The following SMS variants were observed in gnomAD, a reference collection of about 807,000 sequenced individuals.
The protein encoded by SMS is spermine synthase.
Under a neutral mutation model 33.0 loss-of-function variants are expected in SMS, and 3 were observed. The ratio of observed to expected loss-of-function variants is 0.09; its 90% CI spans 0.04 to 0.23. SMS has a LOEUF of 0.23. Ranked by LOEUF, SMS falls within the 10% of genes least tolerant of loss-of-function variation. SMS has a pLI of 1.00. For synonymous variants in SMS, 103 were observed against 112.2 expected (o/e 0.92, Z 0.52); for missense variants, 117 against 288.6 (o/e 0.41, Z 4.31).
chrX:21,950,874 C>G (rs1429525309), intron 1 of SMS, among the ~76,000 whole-genome samples: 2 of 111,775 alleles, frequency 1.8e-5, no homozygotes, highest in Non-Finnish European at 3.8e-5. Context: ...GGTTCCAAGT[C>G]TTTGTTATTG....
At chrX:21,944,057 T>G (rs1922012038) in intron 1 of SMS, among the ~76,000 whole-genome samples, 1 of 111,525 alleles carries the variant, frequency 9.0e-6, no homozygotes, top group Non-Finnish European at 1.9e-5. Context: ...CTTGAACCAC[T>G]TAGTTATGAT....
chrX:21,964,460 C>CTTCTAGCATT (rs1923564462), intron 1 of SMS, among the ~76,000 whole-genome samples: 1 of 111,386 alleles, frequency 9.0e-6, no homozygotes, highest in South Asian at 3.8e-4. Context: ...TAGCCAGACC[C>CTTCTAGCATT]CTGCATTCTG....
chrX:21,955,488 C>T (rs1922913034), intron 1 of SMS, among the ~76,000 whole-genome samples: 1 of 112,148 alleles, frequency 8.9e-6, no homozygotes, highest in South Asian at 3.7e-4. Flanking sequence ...GGTCACTTTA[C>T]CTGGTCCAGA....
At chrX:21,990,929 C>T (rs1054720400) in intron 9 of SMS, among the ~76,000 whole-genome samples, 1 of 112,392 alleles carries the variant, frequency 8.9e-6, no homozygotes, top group Non-Finnish European at 1.9e-5. Context: ...ATGGCCATAT[C>T]CCACTGCAGG....
In SMS at chrX:21,989,380, G is replaced by A. The variant is rs376859627; in HGVS notation, c.946-3217G>A. ...TTAATCCCATAGTGAAGCCTCAAAG[G>A]GGTAAAGAAACCAATGACTAATAAA... On this transcript the variant is annotated intron_variant, in intron 9 of 10. Coordinates refer to ENST00000404933, the MANE Select transcript of SMS (RefSeq NM_004595.5). Among the ~76,000 whole-genome samples the A allele has an allele frequency of 2.6e-4, 29 of 111,784 alleles. 1 individual carries two copies. The highest frequency in any genetic ancestry group is 2.0e-3 in the Admixed American group (21 of 10,521).
At chrX:21,950,647 T>C (rs6629441) in intron 1 of SMS, among the ~76,000 whole-genome samples, 43,105 of 105,382 alleles carry the variant, frequency 0.41, 8,492 homozygotes, top group African/African-American at 0.72. Context: ...TTCCCTGTGT[T>C]CATGTGTTCT....
chrX:21,941,883 T>TC (rs1921814578), intron 1 of SMS, among the ~76,000 whole-genome samples: 1 of 22,603 alleles, frequency 4.4e-5, no homozygotes, highest in Admixed American at 8.6e-4. Context: ...AGACCCTGTC[T>TC]CAAAAAAAAA....
At chrX:21,983,039 T>C (rs1307981652) in intron 7 of SMS, among the ~76,000 whole-genome samples, 1 of 110,744 alleles carries the variant, frequency 9.0e-6, no homozygotes, top group African/African-American at 3.3e-5. Flanking sequence ...GGTGAACTTT[T>C]TTTAATTTTT....
chrX:21,950,275 T>A (rs1922511854), intron 1 of SMS, among the ~76,000 whole-genome samples: 1 of 110,447 alleles, frequency 9.1e-6, no homozygotes, highest in Admixed American at 9.7e-5. Context: ...CAGTTGCATG[T>A]GGAATTTTGA....
chrX:21,973,156 T>C, intron 4 of SMS, among the ~76,000 whole-genome samples: 1 of 110,890 alleles, frequency 9.0e-6, no homozygotes. Context: ...CTCCAAGGAG[T>C]TGGAACTGCC....
At chrX:21,966,909 C>T (rs533251463) in intron 1 of SMS, among the ~76,000 whole-genome samples, 3 of 110,708 alleles carry the variant, frequency 2.7e-5, no homozygotes, top group Admixed American at 9.6e-5. Context: ...ACATCCTTGG[C>T]GCAGCTATTT....
intron 9 of SMS, among the ~76,000 whole-genome samples, chrX:21,991,565 C>T (rs993083196): frequency 3.6e-5 from 4 of 112,106 alleles, no homozygotes; most frequent in African/African-American, 1.3e-4. Flanking sequence ...AGGAAATAGG[C>T]GGTATTAAAT....
Position 21,962,082 on chromosome X carries a change from C to G in SMS, c.50-5114C>G, listed in dbSNP as rs145984908. On this transcript the variant is annotated intron_variant, in intron 1 of 10. Transcript: ENST00000404933. ...CCTGTGTATAGAGCATCTAGTAGTT[C>G]TCAAGGGATTGTATTGCCCCTCTCC... 7.6e-3 allele frequency among the ~76,000 whole-genome samples: 853 copies of G among 112,123 alleles called. 8 individuals carry two copies. Among genetic ancestry groups the G allele is most frequent in the Non-Finnish European group, 0.012 (621 of 53,232 alleles).
chrX:21,958,345 G>T (rs774192801), intron 1 of SMS, among the ~76,000 whole-genome samples: 11 of 112,493 alleles, frequency 9.8e-5, no homozygotes, highest in African/African-American at 3.6e-4. Flanking sequence ...TGGCTTGCCA[G>T]TGGAGAAACC....
At chrX:21,963,517 T>C in intron 1 of SMS, among the ~76,000 whole-genome samples, 1 of 112,499 alleles carries the variant, frequency 8.9e-6, no homozygotes, top group Non-Finnish European at 1.9e-5. Flanking sequence ...TTGTGTAGTT[T>C]TTCCTTCAGT....
chrX:21,989,759 C>G (rs914136520), intron 9 of SMS, among the ~76,000 whole-genome samples: 7 of 111,185 alleles, frequency 6.3e-5, no homozygotes, highest in African/African-American at 2.3e-4. Context: ...GTTGTTGAGA[C>G]AGAGATGGAG....
intron 1 of SMS, among the ~76,000 whole-genome samples, chrX:21,962,976 A>T (rs1186892370): frequency 1.8e-5 from 2 of 111,555 alleles, no homozygotes; most frequent in African/African-American, 6.5e-5. Flanking sequence ...ATGAAAATGC[A>T]CAGCTAGGAT....
At chrX:21,984,218 C>CT in intron 7 of SMS, 86 bp from the exon 8 acceptor site, 1 of 664,690 alleles carries the variant, frequency 1.5e-6, no homozygotes, top group South Asian at 2.2e-5. Context: ...ATACTTGGCG[C>CT]TTTTTTCCTC....
At chrX:21,969,483 G>A (rs1291851619) in intron 2 of SMS, among the ~76,000 whole-genome samples, 5 of 111,757 alleles carry the variant, frequency 4.5e-5, no homozygotes, top group African/African-American at 1.6e-4. Flanking sequence ...GCCCCTCCCT[G>A]TACCTGCCGC....
Sources: gnomAD v4.1 joint callset for allele counts (sites outside exome capture counted in the v4.1 genomes callset) on GRCh38, gnomAD v4.1.1 for gene constraint, MANE v1.5 for transcripts, NCBI Gene and HGNC (gene_info 2026-07-23, HGNC 2026-07-21) for gene names.